The following PDE4D variants were observed in gnomAD, a reference collection of about 807,000 sequenced individuals.
PDE4D encodes phosphodiesterase 4D, also known as 3',5'-cyclic-AMP phosphodiesterase 4D.
PDE4D carries 24 observed loss-of-function variants against 87.4 expected under a neutral mutation model. That is an observed-to-expected ratio of 0.27 (90% CI 0.20 to 0.39). The LOEUF (loss-of-function observed/expected upper bound fraction) is 0.39, where lower values mean the gene tolerates loss of function less well. PDE4D is among the 10% of genes least tolerant of loss of function. PDE4D has a pLI of 1.00. For missense variants in PDE4D, 714 were observed against 1,041.0 expected, an observed-to-expected ratio of 0.69 and a Z score of 4.32; for synonymous variants, 384 against 383.2, an observed-to-expected ratio of 1.00 and a Z score of -0.02.
At chr5:59,506,668 A>G (rs769711244) in intron 1 of PDE4D, among the ~76,000 whole-genome samples, 1 of 152,216 alleles carries the variant, frequency 6.6e-6, no homozygotes, top group Non-Finnish European at 1.5e-5. Flanking sequence ...GAACACTTCA[A>G]AAGTCCAGAA....
At chr5:60,392,990 T>C (rs751132893) in intron 1 of PDE4D, among the ~76,000 whole-genome samples, 8 of 152,190 alleles carry the variant, frequency 5.3e-5, no homozygotes, top group Non-Finnish European at 1.0e-4. Flanking sequence ...AACTATTGCT[T>C]CTACAGGGAG....
Position 59,654,292 on chromosome 5 carries a change from C to T in PDE4D, c.455+238876G>A, listed in dbSNP as rs188149636. Among the ~76,000 whole-genome samples the T allele has an allele frequency of 2.4e-3, 369 of 152,276 alleles. 2 individuals carry two copies. The highest frequency in any genetic ancestry group is 2.4e-3 in the Non-Finnish European group (164 of 68,010). On this transcript the variant is annotated intron_variant, in intron 1 of 14. Transcript: ENST00000340635. Reference sequence around the variant, plus strand: ...AGAATAAAATAACAATGACTTTTATCATCTAGCGTTTTTCAGTACTTGCTA... The same window carrying T: ...AGAATAAAATAACAATGACTTTTATTATCTAGCGTTTTTCAGTACTTGCTA...
At chr5:60,345,205 C>T (rs1390185847) in intron 1 of PDE4D, among the ~76,000 whole-genome samples, 3 of 151,858 alleles carry the variant, frequency 2.0e-5, no homozygotes, top group East Asian at 3.9e-4. Context: ...AACAAAAAAC[C>T]AAACACCACA....
intron 1 of PDE4D, among the ~76,000 whole-genome samples, chr5:59,682,829 C>T (rs1490342498): frequency 6.6e-6 from 1 of 152,058 alleles, no homozygotes; most frequent in African/African-American, 2.4e-5. Flanking sequence ...GTTATAGCAG[C>T]CCAAATAAAT....
At chr5:59,402,297 A>G (rs767877217) in intron 1 of PDE4D, among the ~76,000 whole-genome samples, 1 of 152,220 alleles carries the variant, frequency 6.6e-6, no homozygotes, top group Non-Finnish European at 1.5e-5. Context: ...CTGAAAGTGA[A>G]GAATACTAGT....
At chr5:59,042,472 C>T (rs1759847405) in intron 5 of PDE4D, among the ~76,000 whole-genome samples, 1 of 152,172 alleles carries the variant, frequency 6.6e-6, no homozygotes, top group Non-Finnish European at 1.5e-5. Context: ...AGAACACATA[C>T]TGCATTCATT....
At chr5:60,014,853 T>C (rs1219535457) in intron 2 of PDE4D, among the ~76,000 whole-genome samples, 1 of 152,156 alleles carries the variant, frequency 6.6e-6, no homozygotes, top group Non-Finnish European at 1.5e-5. Flanking sequence ...GGCCATTTCT[T>C]ACAGAAAAGG....
Position 58,975,880 on chromosome 5 carries a change from T to A in PDE4D, c.1831-41A>T. On this transcript the variant is annotated intron_variant, in intron 13 of 14. Transcript: ENST00000340635. The surrounding 1 kb of genome is among the most constrained non-coding windows in gnomAD (Gnocchi z 4.2). ...GCATTCTCTATTCACTCCTGTTCCT[T>A]TTTTTTAAAAAAAAAAACAAAAAAA... The A allele has an allele frequency of 8.0e-7, 1 of 1,249,970 alleles. No individual in the cohort carries two copies. The highest frequency in any genetic ancestry group is 1.0e-6 in the Non-Finnish European group (1 of 974,526). 77.4% of individuals were successfully genotyped at this position (1,249,970 alleles called of 1,614,324 possible). A position where few individuals can be genotyped will look rare whatever the true frequency, so the allele number is the denominator to read the frequency against.
chr5:60,517,458 T>C (rs1170174681), intron 1 of PDE4D, among the ~76,000 whole-genome samples: 1 of 152,248 alleles, frequency 6.6e-6, no homozygotes, highest in African/African-American at 2.4e-5. Flanking sequence ...TGCCCACAGC[T>C]GTCCATAGAC....
At chr5:60,484,202 A>C (rs1333665078) in intron 1 of PDE4D, among the ~76,000 whole-genome samples, 6 of 151,978 alleles carry the variant, frequency 3.9e-5, no homozygotes, top group Admixed American at 3.9e-4. Flanking sequence ...AAAAAAAAAA[A>C]AACCCAAGAA....
At chr5:59,802,009 C>A (rs1457147324) in intron 1 of PDE4D, among the ~76,000 whole-genome samples, 1 of 151,706 alleles carries the variant, frequency 6.6e-6, no homozygotes, top group African/African-American at 2.4e-5. Flanking sequence ...ACAGGAGATA[C>A]AAATAAAGAA....
chr5:59,869,878 T>C (rs907229463), intron 1 of PDE4D, among the ~76,000 whole-genome samples: 5 of 152,150 alleles, frequency 3.3e-5, no homozygotes, highest in Non-Finnish European at 7.4e-5. Context: ...GTTCTAAAAG[T>C]TTTATGTAAG....
rs560575890 is a variant in PDE4D at position 59,291,819 on chromosome 5, T to A, written c.456-75851A>T. The stretch of plus-strand genomic sequence containing the variant: ...CTTAACTATTTAACCTGACCTTGTA[T>A]ATTAATTTGTGCTCTTTTGGGGAGA... On this transcript the variant is annotated intron_variant, in intron 1 of 14. Coordinates refer to ENST00000340635, the MANE Select transcript of PDE4D (RefSeq NM_001104631.2). Among the ~76,000 whole-genome samples, 187 of 151,266 alleles carry A rather than the reference T, an allele frequency of 1.2e-3. 1 individual carries two copies. Among genetic ancestry groups the A allele is most frequent in the African/African-American group, 4.1e-3 (169 of 41,186 alleles).
intron 5 of PDE4D, among the ~76,000 whole-genome samples, chr5:59,127,421 C>G (rs1306873551): frequency 3.9e-5 from 6 of 152,196 alleles, no homozygotes; most frequent in African/African-American, 1.4e-4. Context: ...TTCCTTCTTT[C>G]TCTCTTTCTT....
intron 1 of PDE4D, among the ~76,000 whole-genome samples, chr5:59,479,334 C>T (rs756171823): frequency 1.3e-5 from 2 of 152,108 alleles, no homozygotes; most frequent in Non-Finnish European, 2.9e-5. Flanking sequence ...TACTGTACTA[C>T]ATCCACAGTC....
intron 5 of PDE4D, among the ~76,000 whole-genome samples, chr5:59,172,059 T>A (rs1484554154): frequency 1.2e-3 from 5 of 4,096 alleles, no homozygotes; most frequent in East Asian, 2.5e-3. Flanking sequence ...ATATATATAT[T>A]ATATATATAA....
chr5:59,516,362 C>T (rs898191131), intron 1 of PDE4D, among the ~76,000 whole-genome samples: 1 of 152,128 alleles, frequency 6.6e-6, no homozygotes, highest in Non-Finnish European at 1.5e-5. Flanking sequence ...AGGCCTTCAA[C>T]ACCACACCAT....
At position 59,616,912 on chromosome 5, in the gene PDE4D, TAATTAC is replaced by T. The variant is rs1829737120; in HGVS notation, c.455+276250_455+276255del. Among the ~76,000 whole-genome samples the T allele has an allele frequency of 3.5e-5, 4 of 115,754 alleles. No individual in the cohort carries two copies. The South Asian group carries it at 1.2e-3, about 33-fold the overall frequency. 75.9% of individuals were successfully genotyped at this position (115,754 alleles called of 152,430 possible). A position where few individuals can be genotyped will look rare whatever the true frequency, so the allele number is the denominator to read the frequency against. On this transcript the variant is annotated intron_variant, in intron 1 of 14. Coordinates refer to ENST00000340635, the MANE Select transcript of PDE4D (RefSeq NM_001104631.2). The stretch of plus-strand genomic sequence containing the variant: ...AACTTTGTGTATTACTTAGACCTAA[TAATTAC>T]ATATATATATATATATATATATATA...
intron 1 of PDE4D, among the ~76,000 whole-genome samples, chr5:60,300,997 C>T (rs189070985): frequency 7.2e-5 from 11 of 152,270 alleles, no homozygotes; most frequent in Admixed American, 3.3e-4. Context: ...TCTCAAACTC[C>T]TGACCTCATG....
Sources: gnomAD v4.1 joint callset for allele counts (sites outside exome capture counted in the v4.1 genomes callset) on GRCh38, gnomAD v4.1.1 for gene constraint, Gnocchi (gnomAD v3.1) non-coding constraint, MANE v1.5 for transcripts, NCBI Gene and HGNC (gene_info 2026-07-23, HGNC 2026-07-21) for gene names.